Variants in ACSS3 observed in about 807,000 individuals in gnomAD.
ACSS3 encodes the protein acyl-CoA synthetase short-chain family member 3, mitochondrial.
Under a neutral mutation model 84.2 loss-of-function variants are expected in ACSS3, and 64 were observed. That is an observed-to-expected ratio of 0.76 (90% CI 0.62 to 0.94). ACSS3 has a LOEUF of 0.94. ACSS3 is among the 40% of genes least tolerant of loss of function. The probability of loss-of-function intolerance (pLI) is 0.00; values close to 1 mark genes in which losing one functional copy is unlikely to be tolerated. For missense variants in ACSS3, 815 were observed against 867.6 expected, an observed-to-expected ratio of 0.94 and a Z score of 0.76; for synonymous variants, 317 against 310.1, an observed-to-expected ratio of 1.02 and a Z score of -0.23.
At chr12:81,103,537 C>A (rs1191420534) in intron 1 of ACSS3, among the ~76,000 whole-genome samples, 3 of 152,132 alleles carry the variant, frequency 2.0e-5, no homozygotes, top group Non-Finnish European at 2.9e-5. Flanking sequence ...AAACCAATCT[C>A]TAAGCTTAGC....
intron 5 of ACSS3, among the ~76,000 whole-genome samples, chr12:81,149,552 A>G (rs1249402547): frequency 2.0e-5 from 3 of 152,180 alleles, no homozygotes; most frequent in Non-Finnish European, 2.9e-5. Context: ...TTGAAACTGT[A>G]TTATCTGAGC....
In ACSS3 at chr12:81,187,207, G is replaced by T. The variant is rs563647093; in HGVS notation, c.1251-12134G>T. Among the ~76,000 whole-genome samples the T allele has an allele frequency of 6.6e-5, 10 of 151,750 alleles. No homozygotes were observed. In the South Asian group the frequency reaches 2.1e-3, roughly 32 times the overall value. ...GAAGAAAACCATGGTTACCAGGATT[G>T]GAAGAAAGGGGAAATGAACAGATAT... On this transcript the variant is annotated intron_variant, in intron 8 of 15. Coordinates refer to ENST00000548058, the MANE Select transcript of ACSS3 (RefSeq NM_024560.4).
chr12:81,115,500 G>C (rs1050380437), intron 2 of ACSS3, among the ~76,000 whole-genome samples: 1 of 151,720 alleles, frequency 6.6e-6, no homozygotes, highest in Non-Finnish European at 1.5e-5. Context: ...ATGATATCTC[G>C]CTCTATCCCA....
At chr12:81,175,560 T>C (rs2030409286) in intron 8 of ACSS3, among the ~76,000 whole-genome samples, 2 of 152,156 alleles carry the variant, frequency 1.3e-5, no homozygotes, top group Admixed American at 1.3e-4. Flanking sequence ...AGAATATTCA[T>C]TCTTCTTATC....
chr12:81,143,324 A>C (rs1886182875), intron 5 of ACSS3, 77 bp downstream of exon 5: 1 of 1,359,300 alleles, frequency 7.4e-7, no homozygotes, highest in Admixed American at 2.3e-5. Context: ...ACTGACTGGA[A>C]ATGTTTGCAG....
chr12:81,083,675 A>C (rs552352728), intron 1 of ACSS3, among the ~76,000 whole-genome samples: 2 of 151,898 alleles, frequency 1.3e-5, no homozygotes, highest in East Asian at 3.9e-4. Flanking sequence ...TCTCCTCTTT[A>C]AAGAAGAAAA....
chr12:81,199,623 T>C (rs1466672993), intron 9 of ACSS3, 179 bp downstream of exon 9: 2 of 1,494,466 alleles, frequency 1.3e-6, no homozygotes, highest in African/African-American at 1.4e-5. Flanking sequence ...AATGTCTTCA[T>C]AAGTGACATT....
At chr12:81,254,832 C>T (rs202080417) in intron 15 of ACSS3, 25 bp from the exon 16 acceptor site, 32 of 1,579,016 alleles carry the variant, frequency 2.0e-5, no homozygotes, top group Non-Finnish European at 2.5e-5. Flanking sequence ...GAAGAGTATT[C>T]ACCTGACCCT....
chr12:81,179,761 A>AGAGT (rs1370849314), intron 8 of ACSS3, among the ~76,000 whole-genome samples: 5 of 91,316 alleles, frequency 5.5e-5, no homozygotes, highest in South Asian at 4.1e-4. Context: ...CCTGGGTGAC[A>AGAGT]GAGCGAGACT....
intron 7 of ACSS3, among the ~76,000 whole-genome samples, chr12:81,164,536 T>C (rs1887309928): frequency 6.6e-6 from 1 of 152,198 alleles, no homozygotes; most frequent in Non-Finnish European, 1.5e-5. Context: ...TATTTGAAAA[T>C]ATTGAGGGTA....
chr12:81,182,199 A>G (rs993098700), intron 8 of ACSS3, among the ~76,000 whole-genome samples: 3 of 152,238 alleles, frequency 2.0e-5, no homozygotes, highest in Admixed American at 6.5e-5. Context: ...GAACATTAGC[A>G]GATTTCTCAG....
At chr12:81,228,327 A>G (rs535801286) in intron 11 of ACSS3, among the ~76,000 whole-genome samples, 3 of 151,934 alleles carry the variant, frequency 2.0e-5, no homozygotes, top group African/African-American at 7.2e-5. Context: ...GTCTACAGGT[A>G]TATATAAACT....
At position 81,143,139 on chromosome 12, in the gene ACSS3, T is replaced by C. The variant is rs1886173827; in HGVS notation, c.813T>C (p.Leu271=). 1 of 1,613,724 alleles carries C rather than the reference T, an allele frequency of 6.2e-7. No homozygotes were observed. The highest frequency in any genetic ancestry group is 8.5e-7 in the Non-Finnish European group (1 of 1,179,692). The change falls in exon 5 of 16, where the codon CTT becomes CTC. Residue 271 remains leucine, a synonymous_variant. Transcript: ENST00000548058. Reference sequence around the variant, plus strand: ...TTCCTTTGGCTCCCGGTCGTGACCTTGATTGGGATGAAGAGATGGCAAAAG... The same window carrying C: ...TTCCTTTGGCTCCCGGTCGTGACCTCGATTGGGATGAAGAGATGGCAAAAG... ...EAVPLAPGRD[L]DWDEEMAKAQ...
At chr12:81,199,467 C>T (rs367861771) in intron 9 of ACSS3, 23 bp downstream of exon 9, 8 of 1,592,172 alleles carry the variant, frequency 5.0e-6, no homozygotes, top group Middle Eastern at 1.7e-4. Flanking sequence ...CTAGCATGTA[C>T]ATAAATAGTA....
chr12:81,107,993 G>C (rs1437269660), intron 1 of ACSS3, among the ~76,000 whole-genome samples: 1 of 152,046 alleles, frequency 6.6e-6, no homozygotes, highest in African/African-American at 2.4e-5. Context: ...ACATGGATGA[G>C]CCCCAAATCA....
rs1046370121 is a variant in ACSS3, at chr12:81,249,561, A to G, written c.1720-3746A>G. 9.2e-5 allele frequency among the ~76,000 whole-genome samples: 14 copies of G among 152,074 alleles called. 1 individual carries two copies. The highest frequency in any genetic ancestry group is 7.4e-5 in the Non-Finnish European group (5 of 67,932). ...TTGCTATTTTAGGAATGATTCTTCA[A>G]CATTGAATATATTTCCATAAAGTGA... On this transcript the variant is annotated intron_variant, in intron 13 of 15. Coordinates refer to ENST00000548058, the MANE Select transcript of ACSS3 (RefSeq NM_024560.4).
At chr12:81,092,355 C>T (rs1036587036) in intron 1 of ACSS3, among the ~76,000 whole-genome samples, 1 of 151,902 alleles carries the variant, frequency 6.6e-6, no homozygotes, top group East Asian at 1.9e-4. Flanking sequence ...AAATAGCATT[C>T]GTTTTCCTGT....
At chr12:81,216,619 C>T (rs572010129) in intron 9 of ACSS3, among the ~76,000 whole-genome samples, 5 of 152,160 alleles carry the variant, frequency 3.3e-5, no homozygotes, top group Non-Finnish European at 7.3e-5. Context: ...TACACGCCTG[C>T]TGATCCACAA....
intron 8 of ACSS3, among the ~76,000 whole-genome samples, chr12:81,177,792 A>G (rs1002525118): frequency 1.6e-4 from 24 of 152,300 alleles, no homozygotes; most frequent in Admixed American, 4.6e-4. Flanking sequence ...TAGAATGGCA[A>G]TCATTAAAAA....
Sources: allele counts gnomAD v4.1 joint callset (sites outside exome capture counted in the v4.1 genomes callset), GRCh38; gene constraint gnomAD v4.1.1; transcripts MANE v1.5; gene names NCBI Gene and HGNC (gene_info 2026-07-23, HGNC 2026-07-21).